The following CAST variants were observed in gnomAD, a reference collection of about 807,000 sequenced individuals.
CAST encodes the protein calpastatin, also known as MIR583 host.
Under a neutral mutation model 119.6 loss-of-function variants are expected in CAST, and 76 were observed. That is an observed-to-expected ratio of 0.64 (90% CI 0.53 to 0.77). CAST has a LOEUF of 0.77. Ranked by LOEUF, CAST falls within the 30% of genes least tolerant of loss-of-function variation. The probability of loss-of-function intolerance (pLI) is 0.00; values close to 1 mark genes in which losing one functional copy is unlikely to be tolerated. For missense variants in CAST, 953 were observed against 946.5 expected, an observed-to-expected ratio of 1.01 and a Z score of -0.09; for synonymous variants, 319 against 331.6, an observed-to-expected ratio of 0.96 and a Z score of 0.41.
chr5:96,663,199 C>CGGAAGGGAGTGTGTT (rs765484377), intron 1 of CAST: 5 of 702,542 alleles, frequency 7.1e-6, no homozygotes, highest in African/African-American at 7.0e-5. Context: ...GGGCAGGACC[C>CGGAAGGGAGTGTGTT]GGAAGGGAGT....
the CAST span, chr5:96,432,915 G>C: frequency 3.7e-6 from 6 of 1,614,100 alleles, no homozygotes; most frequent in Non-Finnish European, 5.1e-6. Context: ...GGCTGCTTCC[G>C]GGCCCCCGGG....
intron 2 of CAST, among the ~76,000 whole-genome samples, chr5:96,691,348 CA>C (rs1752704112): frequency 6.6e-6 from 1 of 151,420 alleles, no homozygotes; most frequent in South Asian, 2.1e-4. Flanking sequence ...TCAAAAAAAT[CA>C]AACTGTTTCC....
chr5:96,230,231 C>T, the CAST span, among the ~76,000 whole-genome samples: 1 of 152,106 alleles, frequency 6.6e-6, no homozygotes, highest in African/African-American at 2.4e-5. Flanking sequence ...ATTGGAGTGT[C>T]CCCCAGGGAT....
chr5:96,770,374 C>T (rs898655435), intron 29 of CAST, 157 bp from the exon 30 acceptor site: 5 of 584,012 alleles, frequency 8.6e-6, no homozygotes, highest in Non-Finnish European at 1.6e-5. Flanking sequence ...TCTCTGACAC[C>T]GTTGTTCAAA....
At chr5:96,469,879 A>AATAT in the CAST span, among the ~76,000 whole-genome samples, 23,415 of 107,232 alleles carry the variant, frequency 0.22, 3,344 homozygotes, top group African/African-American at 0.45. Context: ...ATATATATAT[A>AATAT]ATATATATAT....
At chr5:96,385,992 C>T in the CAST span, among the ~76,000 whole-genome samples, 1 of 152,180 alleles carries the variant, frequency 6.6e-6, no homozygotes, top group African/African-American at 2.4e-5. Flanking sequence ...AGCAAGTAAA[C>T]AAAACATGTT....
At chr5:96,107,241 T>C in the CAST span, among the ~76,000 whole-genome samples, 2 of 152,188 alleles carry the variant, frequency 1.3e-5, no homozygotes, top group Non-Finnish European at 2.9e-5. Context: ...TTAATATTGT[T>C]ATGTGTGAAT....
the CAST span, among the ~76,000 whole-genome samples, chr5:96,217,340 C>T: frequency 1.2e-3 from 184 of 149,434 alleles, no homozygotes; most frequent in African/African-American, 4.4e-3. Flanking sequence ...TGCGAGTGGC[C>T]AAATTAAATT....
chr5:96,209,266 T>C, the CAST span, among the ~76,000 whole-genome samples: 1 of 152,086 alleles, frequency 6.6e-6, no homozygotes, highest in East Asian at 1.9e-4. Flanking sequence ...CTTACTTCTG[T>C]ATCCAACTTG....
At chr5:96,544,780 G>A (rs1561412020) in intron 1 of CAST, among the ~76,000 whole-genome samples, 1 of 151,784 alleles carries the variant, frequency 6.6e-6, no homozygotes, top group Non-Finnish European at 1.5e-5. Flanking sequence ...CACCTTCAAT[G>A]TGAATGGTCT....
Position 96,730,842 on chromosome 5 carries a change from T to C in CAST, c.612T>C (p.Ser204=). Residue 204 remains serine, a synonymous_variant, in exon 9 of 32, where the codon TCT becomes TCC. Coordinates refer to ENST00000675179, the MANE Select transcript of CAST (RefSeq NM_001750.7). ...GTGTTGCTGGTATCACTGCAATATC[T>C]GGCAAGCCGGGTGACAAGGTGAGCA... ...GESVAGITAI[S]GKPGDKKKEK... 1 of 1,613,600 alleles carries C rather than the reference T, an allele frequency of 6.2e-7. No individual in the cohort carries two copies. The highest frequency in any genetic ancestry group is 1.7e-5 in the Admixed American group (1 of 60,024).
At chr5:96,480,027 C>T in the CAST span, among the ~76,000 whole-genome samples, 1 of 151,982 alleles carries the variant, frequency 6.6e-6, no homozygotes, top group African/African-American at 2.4e-5. Flanking sequence ...TAAGAAGAGA[C>T]CAGAACAAGT....
chr5:96,599,978 A>AAAAGAAAAAG (rs1747119923), intron 1 of CAST, among the ~76,000 whole-genome samples: 1 of 151,654 alleles, frequency 6.6e-6, no homozygotes, highest in South Asian at 2.1e-4. Flanking sequence ...AAAAAAAAAA[A>AAAAGAAAAAG]AAAAACCCTC....
At chr5:96,558,413 C>T (rs902545133) in intron 1 of CAST, among the ~76,000 whole-genome samples, 2 of 152,104 alleles carry the variant, frequency 1.3e-5, no homozygotes, top group South Asian at 2.1e-4. Context: ...ATCAGTGAAT[C>T]CAGGAGCTGG....
chr5:96,572,803 G>C (rs1230605248), intron 1 of CAST, among the ~76,000 whole-genome samples: 3 of 152,160 alleles, frequency 2.0e-5, no homozygotes, highest in Non-Finnish European at 4.4e-5. Context: ...GAGGAAAGCA[G>C]AACAGCCACA....
At chr5:95,962,395 A>G in the CAST span, among the ~76,000 whole-genome samples, 2 of 152,232 alleles carry the variant, frequency 1.3e-5, no homozygotes, top group South Asian at 2.1e-4. Flanking sequence ...AGGACTCGCT[A>G]GAGAGCTGCT....
At chr5:96,367,115 A>G in the CAST span, among the ~76,000 whole-genome samples, 14 of 152,200 alleles carry the variant, frequency 9.2e-5, no homozygotes, top group Admixed American at 8.5e-4. Flanking sequence ...TTGCCTGGGC[A>G]TCAGCAGTGG....
upstream of CAST, among the ~76,000 whole-genome samples, chr5:96,660,040 T>C (rs1269969863): frequency 2.0e-5 from 3 of 152,228 alleles, no homozygotes; most frequent in Non-Finnish European, 2.9e-5. Flanking sequence ...TTAGGGTTAT[T>C]ACCTCTTATA....
chr5:96,006,521 T>A, the CAST span, among the ~76,000 whole-genome samples: 1 of 152,220 alleles, frequency 6.6e-6, no homozygotes, highest in Admixed American at 6.5e-5. Context: ...TACCTGTTCT[T>A]CTTCATCAGG....
Sources: gnomAD v4.1 joint callset for allele counts (sites outside exome capture counted in the v4.1 genomes callset) on GRCh38, gnomAD v4.1.1 for gene constraint, MANE v1.5 for transcripts, NCBI Gene and HGNC (gene_info 2026-07-23, HGNC 2026-07-21) for gene names.